The following PDE4B variants were observed in gnomAD, a reference collection of about 807,000 sequenced individuals.
PDE4B encodes 3',5'-cyclic-AMP phosphodiesterase 4B.
In PDE4B, 20 loss-of-function variants were observed where a neutral mutation model predicts 82.2. That is an observed-to-expected ratio of 0.24 (90% CI 0.17 to 0.35). PDE4B has a LOEUF of 0.35. Ranked by LOEUF, PDE4B falls within the 10% of genes least tolerant of loss-of-function variation. The pLI is 1.00. For synonymous variants in PDE4B, 320 were observed against 318.9 expected, an observed-to-expected ratio of 1.00 and a Z score of -0.04; for missense variants, 655 against 907.2, an observed-to-expected ratio of 0.72 and a Z score of 3.57.
At chr1:66,164,951 C>T (rs530111183) in intron 3 of PDE4B, among the ~76,000 whole-genome samples, 14 of 151,536 alleles carry the variant, frequency 9.2e-5, no homozygotes, top group Middle Eastern at 3.4e-3. Flanking sequence ...TTAGTAGAGA[C>T]GGGGTTTCAC....
intron 3 of PDE4B, among the ~76,000 whole-genome samples, chr1:66,162,774 T>C (rs1646643379): frequency 6.6e-6 from 1 of 152,208 alleles, no homozygotes; most frequent in Non-Finnish European, 1.5e-5. Flanking sequence ...TTTGAGATGC[T>C]TCATCTGTAC....
intron 7 of PDE4B, chr1:66,330,709 C>T (rs1184793744): frequency 2.2e-6 from 2 of 929,886 alleles, no homozygotes; most frequent in South Asian, 5.0e-5. Flanking sequence ...GAAAAGGCTT[C>T]CTTGGAAGAA....
intron 3 of PDE4B, among the ~76,000 whole-genome samples, chr1:66,127,953 G>A (rs1645857572): frequency 6.6e-6 from 1 of 152,098 alleles, no homozygotes; most frequent in Non-Finnish European, 1.5e-5. Context: ...AAGTGTAAGA[G>A]TTCTTAGGTA....
At chr1:66,157,306 G>T (rs990763511) in intron 3 of PDE4B, among the ~76,000 whole-genome samples, 2 of 152,134 alleles carry the variant, frequency 1.3e-5, no homozygotes, top group Non-Finnish European at 2.9e-5. Context: ...TTGTCACTTA[G>T]ACTTCTGGAA....
At chr1:66,345,442 T>C (rs1157978988) in intron 8 of PDE4B, among the ~76,000 whole-genome samples, 2 of 152,194 alleles carry the variant, frequency 1.3e-5, no homozygotes, top group Non-Finnish European at 2.9e-5. Flanking sequence ...TTTTGCAATT[T>C]ACTATCACAA....
chr1:66,338,943 C>T (rs1441341987), intron 8 of PDE4B, among the ~76,000 whole-genome samples: 1 of 146,980 alleles, frequency 6.8e-6, no homozygotes. Context: ...GGCGTGAACC[C>T]GGGAGGCGGA....
intron 3 of PDE4B, among the ~76,000 whole-genome samples, chr1:66,009,878 T>C (rs2100734743): frequency 6.6e-6 from 1 of 151,942 alleles, no homozygotes; most frequent in East Asian, 1.9e-4. Flanking sequence ...TATCTACATC[T>C]ATTTCATATC....
chr1:66,132,656 G>C (rs578167580), intron 3 of PDE4B, among the ~76,000 whole-genome samples: 37 of 152,134 alleles, frequency 2.4e-4, no homozygotes, highest in African/African-American at 8.4e-4. Context: ...CTGAGACTGC[G>C]TGACTGGATT....
chr1:66,156,777 T>G (rs949276429), intron 3 of PDE4B, among the ~76,000 whole-genome samples: 13 of 152,212 alleles, frequency 8.5e-5, no homozygotes, highest in Non-Finnish European at 1.5e-4. Flanking sequence ...CCATCGTGTC[T>G]ATTCACTCTC....
At chr1:65,927,564 A>G (rs1340008786) in intron 3 of PDE4B, among the ~76,000 whole-genome samples, 1 of 150,360 alleles carries the variant, frequency 6.7e-6, no homozygotes, top group African/African-American at 2.4e-5. Context: ...AGCAGCTGCA[A>G]TTGGAGTCAT....
At chr1:65,890,363 T>A (rs1646839873) in intron 1 of PDE4B, among the ~76,000 whole-genome samples, 1 of 152,072 alleles carries the variant, frequency 6.6e-6, no homozygotes, top group South Asian at 2.1e-4. Context: ...ATCTAAACTG[T>A]TCTTTCCCCT....
intron 3 of PDE4B, among the ~76,000 whole-genome samples, chr1:66,145,909 CTAT>C (rs1646258834): frequency 6.6e-6 from 1 of 152,058 alleles, no homozygotes; most frequent in African/African-American, 2.4e-5. Flanking sequence ...ATGATCTCTG[CTAT>C]TATTAAGATT....
At chr1:66,068,699 A>G (rs1262773817) in intron 3 of PDE4B, among the ~76,000 whole-genome samples, 4 of 152,034 alleles carry the variant, frequency 2.6e-5, no homozygotes, top group African/African-American at 7.2e-5. Context: ...ACTTTTATAT[A>G]AGGCCATTAC....
chr1:66,161,911 G>A (rs1646620457), intron 3 of PDE4B, among the ~76,000 whole-genome samples: 1 of 152,138 alleles, frequency 6.6e-6, no homozygotes, highest in Non-Finnish European at 1.5e-5. Flanking sequence ...TTAAGCAGGT[G>A]ACTTAATCTC....
intron 3 of PDE4B, among the ~76,000 whole-genome samples, chr1:65,967,892 A>G (rs1649925177): frequency 6.6e-6 from 1 of 152,108 alleles, no homozygotes; most frequent in Non-Finnish European, 1.5e-5. Flanking sequence ...TGGGGGAGAG[A>G]TAACATTAGG....
rs115589203 is a variant in PDE4B at position 66,311,968 on chromosome 1, C to T, written c.635-20540C>T. On this transcript the variant is annotated intron_variant, in intron 7 of 16. Transcript: ENST00000341517. ...AGCTTCTCCTTCCTTACGTATAAAT[C>T]CCCAAATGTATAGGTCTGGGAACCT... 3.5e-4 allele frequency among the ~76,000 whole-genome samples: 54 copies of T among 152,250 alleles called. No homozygotes were observed. The East Asian group carries it at 8.9e-3, about 25-fold the overall frequency.
At chr1:65,893,418 A>C (rs1242601884) in intron 1 of PDE4B, among the ~76,000 whole-genome samples, 5 of 152,008 alleles carry the variant, frequency 3.3e-5, no homozygotes, top group African/African-American at 4.8e-5. Context: ...AATTAAACCC[A>C]CAATGAGATA....
At chr1:66,028,139 C>A (rs1171347852) in intron 3 of PDE4B, among the ~76,000 whole-genome samples, 2 of 152,236 alleles carry the variant, frequency 1.3e-5, no homozygotes, top group Non-Finnish European at 2.9e-5. Flanking sequence ...GGCATGCGTG[C>A]ATTTTCATAC....
intron 1 of PDE4B, among the ~76,000 whole-genome samples, chr1:65,846,903 A>G (rs1037885713): frequency 6.6e-6 from 1 of 152,224 alleles, no homozygotes; most frequent in African/African-American, 2.4e-5. Flanking sequence ...TTAGAGTTAC[A>G]GGGAAAAACA....
Sources: allele counts gnomAD v4.1 joint callset (sites outside exome capture counted in the v4.1 genomes callset), GRCh38; gene constraint gnomAD v4.1.1; transcripts MANE v1.5; gene names NCBI Gene and HGNC (gene_info 2026-07-23, HGNC 2026-07-21).